FMN2: variants seen among roughly 807,000 people sequenced by gnomAD.
FMN2 encodes the protein formin 2.
In FMN2, 51 loss-of-function variants were observed where a neutral mutation model predicts 142.3. The ratio of observed to expected loss-of-function variants is 0.36; its 90% CI spans 0.29 to 0.45. The LOEUF (loss-of-function observed/expected upper bound fraction) is 0.45, where lower values mean the gene tolerates loss of function less well. Among genes scored for constraint, FMN2 ranks in the 20% least tolerant of loss-of-function variants. The probability of loss-of-function intolerance (pLI) is 1.00; values close to 1 mark genes in which losing one functional copy is unlikely to be tolerated. For missense variants in FMN2, 1,936 were observed against 2,122.8 expected (o/e 0.91, Z 1.73); for synonymous variants, 882 against 869.8 (o/e 1.01, Z -0.25).
chr1:240,329,196 G>C lies in FMN2; in HGVS notation c.4307+29G>C, dbSNP rs759736865. ...AGCATGTCTTATAACCACGTAGAGG[G>C]CGTCCAGGCTATGGGTGGGCCCGTT... is the stretch of plus-strand genomic sequence containing the variant. On this transcript the variant is annotated intron_variant, in intron 9 of 17. Coordinates refer to ENST00000319653, the MANE Select transcript of FMN2 (RefSeq NM_020066.5). 1.9e-6 allele frequency: 3 copies of C among 1,612,814 alleles called. No individual in the cohort carries two copies. The East Asian group carries it at 6.7e-5, about 36-fold the overall frequency.
Position 240,211,181 on chromosome 1 carries a change from A to G in FMN2, c.4011A>G (p.Val1337=). The change falls in exon 6 of 18, where the codon GTA becomes GTG. Residue 1337 remains valine (V), a synonymous_variant. Transcript: ENST00000319653. ...AGGAATTATTTTCTAAAACTGCTGT[A>G]AAGGAGAGAAAGAAACCTATCTCTG... ...EFEELFSKTA[V]KERKKPISDT... is the part of the protein sequence containing the mutation. 6.2e-7 allele frequency: 1 copy of G among 1,613,212 alleles called. No homozygotes were observed.
intron 1 of FMN2, among the ~76,000 whole-genome samples, chr1:240,120,152 G>T (rs1662176223): frequency 6.6e-6 from 1 of 152,170 alleles, no homozygotes; most frequent in African/African-American, 2.4e-5. Context: ...CAGCTTTTGA[G>T]ATTAGTTTTG....
chr1:240,285,175 A>C, intron 7 of FMN2: 1 of 453,732 alleles, frequency 2.2e-6, no homozygotes. Flanking sequence ...ATGTCTGAGA[A>C]TGGGGTGGTA....
At chr1:240,361,253 G>A (rs1465758406) in intron 14 of FMN2, among the ~76,000 whole-genome samples, 2 of 149,870 alleles carry the variant, frequency 1.3e-5, no homozygotes, top group East Asian at 2.0e-4. Flanking sequence ...TAGTTGCGTC[G>A]TGGGAGGGAG....
chr1:240,448,369 C>CAT, intron 16 of FMN2, among the ~76,000 whole-genome samples: 1 of 152,130 alleles, frequency 6.6e-6, no homozygotes, highest in Admixed American at 6.5e-5. Flanking sequence ...TATATGTATG[C>CAT]ATATATATGT....
chr1:240,385,429 C>T (rs1293621747), intron 14 of FMN2, among the ~76,000 whole-genome samples: 2 of 151,966 alleles, frequency 1.3e-5, no homozygotes, highest in East Asian at 1.9e-4. Context: ...AGGAATTGGC[C>T]CAAGGCATGT....
At chr1:240,394,749 C>T (rs188116989) in intron 15 of FMN2, among the ~76,000 whole-genome samples, 76 of 152,154 alleles carry the variant, frequency 5.0e-4, no homozygotes, top group Admixed American at 8.5e-4. Flanking sequence ...GGGTGAATCA[C>T]CTGAGGTCAG....
chr1:240,416,262 C>CTTTTTTTT (rs11417639), intron 15 of FMN2, among the ~76,000 whole-genome samples: 1 of 135,146 alleles, frequency 7.4e-6, no homozygotes, highest in African/African-American at 2.8e-5. Context: ...CCTTTCCACT[C>CTTTTTTTT]TTTTTTTTTT....
chr1:240,123,303 A>C lies in FMN2; in HGVS notation c.1740A>C (p.Glu580Asp), dbSNP rs1304693958. Residue 580 changes from glutamate to aspartate, a missense_variant, in exon 2 of 18, where the codon GAA (glutamate) becomes GAC (aspartate). Around this residue, in one of 8 missense-constraint regions of FMN2, gnomAD observed 478 missense variants for 462.8 expected, o/e 1.03. Transcript: ENST00000319653. Reference protein sequence around the residue: ...LLLPFSDCFREPCNQNAQTNA... With the variant: ...LLLPFSDCFRDPCNQNAQTNA... ...TTCCTTTTAGTGATTGCTTCAGGGA[A>C]CCGTGTAATCAGAATGCCCAGACGA... 2.5e-6 allele frequency: 4 copies of C among 1,614,084 alleles called. No individual in the cohort carries two copies. In the South Asian group the frequency reaches 3.3e-5, roughly 13 times the overall value.
At chr1:240,287,717 G>C (rs562912936) in intron 7 of FMN2, among the ~76,000 whole-genome samples, 1 of 152,192 alleles carries the variant, frequency 6.6e-6, no homozygotes, top group African/African-American at 2.4e-5. Flanking sequence ...GAAATGGGCC[G>C]TAATAATAAT....
At chr1:240,337,991 T>G (rs1454416756) in intron 13 of FMN2, among the ~76,000 whole-genome samples, 1 of 152,196 alleles carries the variant, frequency 6.6e-6, no homozygotes, top group African/African-American at 2.4e-5. Context: ...GATGTAGTCA[T>G]GCCAAATGAT....
chr1:240,432,501 G>A (rs1675210590), intron 15 of FMN2, among the ~76,000 whole-genome samples: 1 of 151,642 alleles, frequency 6.6e-6, no homozygotes, highest in South Asian at 2.1e-4. Flanking sequence ...TCTTTGTTTT[G>A]TGTTCTTTTT....
At chr1:240,206,386 A>G (rs1666353154) in intron 4 of FMN2, among the ~76,000 whole-genome samples, 1 of 152,204 alleles carries the variant, frequency 6.6e-6, no homozygotes, top group Admixed American at 6.5e-5. Flanking sequence ...TCATTCAGTG[A>G]TCACTTTTAA....
rs71170722 is a variant in FMN2, at chr1:240,222,014, A to ATTTTTTTT, written c.4065+10788_4065+10795dup. 4.6e-5 allele frequency among the ~76,000 whole-genome samples: 6 copies of ATTTTTTTT among 129,746 alleles called. 1 individual carries two copies. The highest frequency in any genetic ancestry group is 5.9e-5 in the African/African-American group (2 of 34,082). The allele number at this position is 129,746 out of a possible 152,430, so 85.1% of individuals were successfully genotyped here. A position where few individuals can be genotyped will look rare whatever the true frequency, so the allele number is the denominator to read the frequency against. ...AGGTGCCCACCAACACACCCAGCTA[A>ATTTTTTTT]TTTTTTTTTTTTTTTTGTATTTTTA... On this transcript the variant is annotated intron_variant, in intron 6 of 17. Transcript: ENST00000319653.
chr1:240,254,973 G>GC (rs1295474409), intron 6 of FMN2, among the ~76,000 whole-genome samples: 1 of 152,188 alleles, frequency 6.6e-6, no homozygotes, highest in Non-Finnish European at 1.5e-5. Flanking sequence ...CTGGAGGGGT[G>GC]CCGCTGCCTG....
chr1:240,164,966 T>C (rs1664420648), intron 2 of FMN2, among the ~76,000 whole-genome samples: 1 of 152,226 alleles, frequency 6.6e-6, no homozygotes. Context: ...TTTTATCCTC[T>C]TATTTTTTCT....
In FMN2 at chr1:240,167,709, A is replaced by G. The variant is rs572359931; in HGVS notation, c.1783-10212A>G. ...AAATTATAAGTGTGAAGATCATGCA[A>G]TTATTTAAAAAATCTGTATTATTTA... On this transcript the variant is annotated intron_variant, in intron 2 of 17. Coordinates refer to ENST00000319653, the MANE Select transcript of FMN2 (RefSeq NM_020066.5). 5.9e-5 allele frequency among the ~76,000 whole-genome samples: 9 copies of G among 152,308 alleles called. No individual in the cohort carries two copies. The East Asian group carries it at 1.7e-3, about 29-fold the overall frequency.
chr1:240,183,921 T>G (rs1177832689), intron 3 of FMN2, among the ~76,000 whole-genome samples: 1 of 152,182 alleles, frequency 6.6e-6, no homozygotes, highest in Non-Finnish European at 1.5e-5. Context: ...TATAATAATT[T>G]TATATAGCTG....
chr1:240,179,609 A>C (rs897187062), intron 3 of FMN2: 2 of 152,178 alleles, frequency 1.3e-5, no homozygotes, highest in Admixed American at 6.6e-5. Flanking sequence ...CCTTTAAGCA[A>C]AGATCTTCAG....
Sources: gnomAD v4.1 joint callset for allele counts (sites outside exome capture counted in the v4.1 genomes callset) on GRCh38, gnomAD v4.1.1 for gene constraint, gnomAD v4.1.1 regional missense constraint, MANE v1.5 for transcripts, NCBI Gene and HGNC (gene_info 2026-07-23, HGNC 2026-07-21) for gene names.